The following PXDNL variants were observed in gnomAD, a reference collection of about 807,000 sequenced individuals.
The protein encoded by PXDNL is probable oxidoreductase PXDNL.
Under a neutral mutation model 150.8 loss-of-function variants are expected in PXDNL, and 145 were observed. The ratio of observed to expected loss-of-function variants is 0.96; its 90% CI spans 0.84 to 1.10. The LOEUF (loss-of-function observed/expected upper bound fraction) is 1.10. Ranked by LOEUF, PXDNL falls within the 50% of genes least tolerant of loss-of-function variation. The probability of loss-of-function intolerance (pLI) is 0.00; values close to 1 mark genes in which losing one functional copy is unlikely to be tolerated. For missense variants in PXDNL, 2,087 were observed against 1,873.9 expected, an observed-to-expected ratio of 1.11 and a Z score of -2.10; for synonymous variants, 757 against 725.7, an observed-to-expected ratio of 1.04 and a Z score of -0.69.
intron 4 of PXDNL, among the ~76,000 whole-genome samples, chr8:51,515,340 C>G (rs1257654172): frequency 6.6e-6 from 1 of 152,076 alleles, no homozygotes; most frequent in African/African-American, 2.4e-5. Context: ...CTGTGAGGCT[C>G]CAGGGGTGGA....
chr8:51,689,144 C>A (rs1387852044), intron 1 of PXDNL, among the ~76,000 whole-genome samples: 7 of 152,176 alleles, frequency 4.6e-5, no homozygotes, highest in African/African-American at 1.7e-4. Flanking sequence ...TCTCTTGGAG[C>A]CCAGCCACAG....
chr8:51,512,449 C>T (rs1811442497), intron 4 of PXDNL, among the ~76,000 whole-genome samples: 1 of 152,086 alleles, frequency 6.6e-6, no homozygotes, highest in Non-Finnish European at 1.5e-5. Context: ...GTGAAGATCT[C>T]TTTGGAAGAG....
chr8:51,710,696 T>G (rs111374731), intron 1 of PXDNL, among the ~76,000 whole-genome samples: 1 of 152,208 alleles, frequency 6.6e-6, no homozygotes, highest in African/African-American at 2.4e-5. Context: ...ATGAAGTATT[T>G]GTCTTTCTGT....
chr8:51,557,768 C>T (rs567086252), intron 3 of PXDNL, among the ~76,000 whole-genome samples: 1 of 152,256 alleles, frequency 6.6e-6, no homozygotes, highest in East Asian at 1.9e-4. Context: ...AATTCAGTTG[C>T]AGCTCATCTG....
chr8:51,322,180 C>T (rs1188213291), intron 21 of PXDNL, among the ~76,000 whole-genome samples: 1 of 152,176 alleles, frequency 6.6e-6, no homozygotes, highest in Non-Finnish European at 1.5e-5. Context: ...TGTGAAAAAA[C>T]AAACTGTTTT....
At chr8:51,453,303 T>A (rs1017663935) in intron 10 of PXDNL, among the ~76,000 whole-genome samples, 5 of 152,238 alleles carry the variant, frequency 3.3e-5, no homozygotes, top group African/African-American at 1.2e-4. Flanking sequence ...TTGTTGCTAA[T>A]GGTTGAGTCT....
intron 1 of PXDNL, among the ~76,000 whole-genome samples, chr8:51,673,511 G>A (rs1482902495): frequency 1.3e-5 from 2 of 152,146 alleles, no homozygotes; most frequent in African/African-American, 4.8e-5. Context: ...AGAAGCTGTA[G>A]AGAGACAGAT....
intron 1 of PXDNL, among the ~76,000 whole-genome samples, chr8:51,807,079 A>G (rs1325923125): frequency 6.6e-6 from 1 of 152,214 alleles, no homozygotes; most frequent in Non-Finnish European, 1.5e-5. Context: ...CTTCAAGATA[A>G]CCAATAGGGT....
At chr8:51,466,336 G>T (rs1810204849) in intron 8 of PXDNL, among the ~76,000 whole-genome samples, 1 of 152,100 alleles carries the variant, frequency 6.6e-6, no homozygotes, top group Non-Finnish European at 1.5e-5. Flanking sequence ...GGGAGAACTG[G>T]CTATCCATAT....
intron 2 of PXDNL, among the ~76,000 whole-genome samples, chr8:51,620,959 A>T (rs1377964758): frequency 1.3e-5 from 2 of 152,186 alleles, no homozygotes; most frequent in African/African-American, 4.8e-5. Flanking sequence ...CAGATATGAG[A>T]ATTAGATTGC....
intron 4 of PXDNL, among the ~76,000 whole-genome samples, chr8:51,548,608 G>A (rs1008508630): frequency 3.3e-5 from 5 of 152,084 alleles, no homozygotes; most frequent in African/African-American, 1.2e-4. Context: ...ATGAAGGAGA[G>A]ATAAAGTATA....
chr8:51,631,993 T>C (rs1814498006), intron 2 of PXDNL, among the ~76,000 whole-genome samples: 1 of 152,178 alleles, frequency 6.6e-6, no homozygotes, highest in Admixed American at 6.6e-5. Context: ...GTAAGTCCTT[T>C]CTTACCAGTA....
chr8:51,540,831 A>G (rs1394920178), intron 4 of PXDNL, among the ~76,000 whole-genome samples: 1 of 151,992 alleles, frequency 6.6e-6, no homozygotes, highest in Non-Finnish European at 1.5e-5. Context: ...TTCTTTTTTC[A>G]GTTGTATCAC....
At chr8:51,597,797 C>A (rs1813607769) in intron 2 of PXDNL, among the ~76,000 whole-genome samples, 6 of 151,838 alleles carry the variant, frequency 4.0e-5, no homozygotes, top group Admixed American at 3.9e-4. Context: ...TCACCGCAAC[C>A]TCCGCCTCCT....
intron 1 of PXDNL, among the ~76,000 whole-genome samples, chr8:51,680,265 G>A (rs927880609): frequency 3.3e-5 from 5 of 152,134 alleles, no homozygotes; most frequent in Admixed American, 6.5e-5. Flanking sequence ...ATGTGGCTTG[G>A]GAAGAGGCTC....
intron 19 of PXDNL, among the ~76,000 whole-genome samples, chr8:51,367,177 C>T (rs919794360): frequency 6.7e-6 from 1 of 148,498 alleles, no homozygotes. Flanking sequence ...AATGATGAAA[C>T]CATTTCAATT....
At chr8:51,461,609 C>T (rs1486191095) in intron 8 of PXDNL, among the ~76,000 whole-genome samples, 1 of 152,260 alleles carries the variant, frequency 6.6e-6, no homozygotes, top group African/African-American at 2.4e-5. Flanking sequence ...CACAAACACA[C>T]CACCCATAGA....
intron 5 of PXDNL, among the ~76,000 whole-genome samples, chr8:51,490,925 T>G (rs559619426): frequency 2.6e-5 from 4 of 152,222 alleles, no homozygotes; most frequent in African/African-American, 7.2e-5. Context: ...ATATTGATCC[T>G]TGGTGTGCTT....
chr8:51,705,848 C>CAA (rs1212737147), intron 1 of PXDNL, among the ~76,000 whole-genome samples: 1 of 125,822 alleles, frequency 7.9e-6, no homozygotes, highest in Non-Finnish European at 1.7e-5. Flanking sequence ...CGCGCGCGCG[C>CAA]GCGCGTGCAT....
Sources: gnomAD v4.1 joint callset for allele counts (sites outside exome capture counted in the v4.1 genomes callset) on GRCh38, gnomAD v4.1.1 for gene constraint, MANE v1.5 for transcripts, NCBI Gene and HGNC (gene_info 2026-07-23, HGNC 2026-07-21) for gene names.